STAU2: variants seen among roughly 807,000 people sequenced by gnomAD.
STAU2 encodes the protein double-stranded RNA-binding protein Staufen homolog 2.
A neutral mutation model predicts 65.9 loss-of-function variants in STAU2; 20 were observed. That is an observed-to-expected ratio of 0.30 (90% CI 0.21 to 0.44). The LOEUF is 0.44. STAU2 is among the 20% of genes least tolerant of loss of function. The pLI is 1.00. For missense variants in STAU2, 558 were observed against 683.9 expected, an observed-to-expected ratio of 0.82 and a Z score of 2.05; for synonymous variants, 232 against 233.9, an observed-to-expected ratio of 0.99 and a Z score of 0.07.
chr8:73,666,511 G>T (rs543471959), intron 6 of STAU2, among the ~76,000 whole-genome samples: 1 of 152,122 alleles, frequency 6.6e-6, no homozygotes, highest in African/African-American at 2.4e-5. Flanking sequence ...TCTAATTCTG[G>T]CCATAGAAAC....
At chr8:73,650,642 G>A (rs749923723) in intron 6 of STAU2, among the ~76,000 whole-genome samples, 21 of 152,086 alleles carry the variant, frequency 1.4e-4, no homozygotes, top group African/African-American at 4.1e-4. Context: ...ACGGTAATAC[G>A]TATTAGGACA....
chr8:73,563,759 T>C (rs962674047), intron 12 of STAU2, among the ~76,000 whole-genome samples: 2 of 152,028 alleles, frequency 1.3e-5, no homozygotes, highest in Non-Finnish European at 2.9e-5. Flanking sequence ...CACTTCAACC[T>C]CCCAAAGCAT....
In STAU2 at chr8:73,726,478, CT is replaced by C. The variant is rs550881690; in HGVS notation, c.-18+11805del. Among the ~76,000 whole-genome samples the C allele has an allele frequency of 4.0e-3, 602 of 152,228 alleles. 3 individuals are homozygous for C. The highest frequency in any genetic ancestry group is 3.1e-3 in the Non-Finnish European group (211 of 68,020). ...TTTCTTATAATATTTTCTGTTGCCC[CT>C]CCCTTCTCCTAGGATTCTAATTACA... On this transcript the variant is annotated intron_variant, in intron 3 of 14. Coordinates refer to ENST00000524300, the MANE Select transcript of STAU2 (RefSeq NM_001164380.2).
chr8:73,712,124 A>G (rs1308726177), intron 3 of STAU2, among the ~76,000 whole-genome samples: 7 of 152,218 alleles, frequency 4.6e-5, no homozygotes, highest in Admixed American at 3.9e-4. Context: ...CAATAGTGCA[A>G]AAAAGTGAGA....
intron 6 of STAU2, among the ~76,000 whole-genome samples, chr8:73,659,951 T>C (rs1381995216): frequency 1.3e-5 from 2 of 152,196 alleles, no homozygotes; most frequent in Admixed American, 1.3e-4. Context: ...TTGTTGCCAC[T>C]TTGTTTATAT....
chr8:73,448,674 AC>A (rs1364491828), intron 13 of STAU2, among the ~76,000 whole-genome samples: 1 of 152,140 alleles, frequency 6.6e-6, no homozygotes, highest in African/African-American at 2.4e-5. Context: ...AGGTCATGGG[AC>A]TCATCCACGT....
intron 13 of STAU2, among the ~76,000 whole-genome samples, chr8:73,424,056 C>T (rs1816602142): frequency 6.6e-6 from 1 of 151,704 alleles, no homozygotes; most frequent in Non-Finnish European, 1.5e-5. Flanking sequence ...TATTCACCTC[C>T]CCCCACCCCC....
At chr8:73,624,144 GA>G (rs893193342) in intron 6 of STAU2, among the ~76,000 whole-genome samples, 14 of 149,688 alleles carry the variant, frequency 9.4e-5, no homozygotes, top group African/African-American at 2.9e-4. Flanking sequence ...AATAAAAATG[GA>G]AAAAAAAATA....
At chr8:73,724,093 T>A in intron 3 of STAU2, among the ~76,000 whole-genome samples, 2 of 152,220 alleles carry the variant, frequency 1.3e-5, no homozygotes, top group Non-Finnish European at 2.9e-5. Context: ...CTACTCTCTA[T>A]GTCACATCCT....
chr8:73,679,220 T>C (rs983699846), intron 5 of STAU2, among the ~76,000 whole-genome samples: 4 of 152,128 alleles, frequency 2.6e-5, no homozygotes, highest in Admixed American at 6.5e-5. Flanking sequence ...CCTTTCCCAA[T>C]AGATAACGGG....
chr8:73,646,360 G>A (rs1253168524), intron 6 of STAU2, among the ~76,000 whole-genome samples: 1 of 152,208 alleles, frequency 6.6e-6, no homozygotes, highest in Non-Finnish European at 1.5e-5. Context: ...TAATAACACT[G>A]TGAGGAGTTG....
intron 13 of STAU2, among the ~76,000 whole-genome samples, chr8:73,437,836 C>T (rs1817826251): frequency 6.6e-6 from 1 of 152,146 alleles, no homozygotes; most frequent in African/African-American, 2.4e-5. Context: ...AGAGCTCGCC[C>T]TCCTGCTGCA....
At chr8:73,698,951 A>G (rs569848713) in intron 4 of STAU2, among the ~76,000 whole-genome samples, 26 of 151,632 alleles carry the variant, frequency 1.7e-4, no homozygotes, top group East Asian at 5.8e-4. Context: ...GAGAGAGAGA[A>G]AAAGAAAAAA....
intron 12 of STAU2, among the ~76,000 whole-genome samples, chr8:73,580,808 G>A (rs1336278555): frequency 6.6e-6 from 1 of 152,156 alleles, no homozygotes; most frequent in Non-Finnish European, 1.5e-5. Flanking sequence ...GTAATCCAAG[G>A]AAGGGACAAT....
intron 13 of STAU2, among the ~76,000 whole-genome samples, chr8:73,482,875 G>GTT (rs1360779419): frequency 6.6e-6 from 1 of 151,638 alleles, no homozygotes; most frequent in East Asian, 1.9e-4. Flanking sequence ...CAAGGTTCAG[G>GTT]TGTTAAAGTA....
chr8:73,614,074 C>A, intron 8 of STAU2, 118 bp from the exon 9 acceptor site: 1 of 701,104 alleles, frequency 1.4e-6, no homozygotes, highest in Non-Finnish European at 2.3e-6. Context: ...TATAGTATTT[C>A]TTTAAGAAAG....
intron 12 of STAU2, among the ~76,000 whole-genome samples, chr8:73,560,313 C>T (rs910534068): frequency 6.6e-6 from 1 of 152,060 alleles, no homozygotes; most frequent in African/African-American, 2.4e-5. Context: ...ATCTCCTGAC[C>T]TCGTGATCCG....
At chr8:73,621,097 G>T (rs558116038) in intron 6 of STAU2, among the ~76,000 whole-genome samples, 2 of 152,058 alleles carry the variant, frequency 1.3e-5, no homozygotes, top group South Asian at 4.2e-4. Flanking sequence ...TTTTAGTAAG[G>T]TATTTGATAT....
At chr8:73,591,414 A>G (rs77260719) in intron 11 of STAU2, among the ~76,000 whole-genome samples, 1,546 of 152,226 alleles carry the variant, frequency 0.01, 20 homozygotes, top group African/African-American at 0.031. Flanking sequence ...TAATCACCCT[A>G]ACTAAAGGGC....
Sources: gnomAD v4.1 joint callset for allele counts (sites outside exome capture counted in the v4.1 genomes callset) on GRCh38, gnomAD v4.1.1 for gene constraint, MANE v1.5 for transcripts, NCBI Gene and HGNC (gene_info 2026-07-23, HGNC 2026-07-21) for gene names.